CMSS1: variants seen among roughly 807,000 people sequenced by gnomAD.
CMSS1 encodes cms1 ribosomal small subunit homolog.
CMSS1 carries 33 observed loss-of-function variants against 43.5 expected under a neutral mutation model. The observed-to-expected ratio is 0.76, with a 90% CI of 0.57 to 1.01. CMSS1 has a LOEUF of 1.01. CMSS1 is among the 50% of genes least tolerant of loss of function. The pLI is 0.00. For synonymous variants in CMSS1, 115 were observed against 117.2 expected (o/e 0.98, Z 0.12); for missense variants, 313 against 326.4 (o/e 0.96, Z 0.32).
intron 1 of CMSS1, among the ~76,000 whole-genome samples, chr3:100,111,570 A>G (rs145333566): frequency 2.0e-5 from 3 of 152,340 alleles, no homozygotes; most frequent in African/African-American, 2.4e-5. Flanking sequence ...CTCCTCAACC[A>G]AGATGAGAAG....
intron 1 of CMSS1, among the ~76,000 whole-genome samples, chr3:100,079,012 G>T (rs1332741662): frequency 6.6e-6 from 1 of 152,222 alleles, no homozygotes; most frequent in Non-Finnish European, 1.5e-5. Context: ...GACAAGCTTG[G>T]ACTAGGTTCA....
chr3:100,094,153 G>C lies in CMSS1; in HGVS notation c.65-52820G>C, dbSNP rs372577257. Among the ~76,000 whole-genome samples, 13 of 152,136 alleles carry C rather than the reference G, an allele frequency of 8.5e-5. No homozygotes were observed. The South Asian group carries it at 1.2e-3, about 15-fold the overall frequency. On this transcript the variant is annotated intron_variant, in intron 1 of 9. Coordinates refer to ENST00000421999, the MANE Select transcript of CMSS1 (RefSeq NM_032359.4). ...TAGATGTGTAGTGATATTTCATTTT[G>C]ATTTTCATTTGCATTTCCCTAGCAG...
At chr3:99,935,860 T>A (rs1285376443) in intron 1 of CMSS1, among the ~76,000 whole-genome samples, 1 of 152,202 alleles carries the variant, frequency 6.6e-6, no homozygotes, top group Non-Finnish European at 1.5e-5. Flanking sequence ...TAAGGATGTG[T>A]CCATGCAAGA....
chr3:100,029,773 G>A (rs1056794895), intron 1 of CMSS1, among the ~76,000 whole-genome samples: 2 of 152,094 alleles, frequency 1.3e-5, no homozygotes, highest in South Asian at 4.2e-4. Context: ...TACTAAGAGG[G>A]CTTTTGTAGC....
chr3:100,162,195 C>T lies in CMSS1; in HGVS notation c.226-108C>T, dbSNP rs1466703480. ...TATTAAAACCCACATTCACACTTGG[C>T]TAACACCAAAAGCTATGTGCCGTTT... On this transcript the variant is annotated intron_variant, in intron 3 of 9. Coordinates refer to ENST00000421999, the MANE Select transcript of CMSS1 (RefSeq NM_032359.4). 7 of 857,444 alleles carry T rather than the reference C, an allele frequency of 8.2e-6. No homozygotes were observed. The South Asian group carries it at 1.4e-4, about 17-fold the overall frequency. 53.1% of individuals were successfully genotyped at this position (857,444 alleles called of 1,614,324 possible).
intron 8 of CMSS1, 110 bp from the exon 9 acceptor site, chr3:100,176,217 G>C (rs2067147002): frequency 7.4e-6 from 5 of 679,136 alleles, no homozygotes; most frequent in Non-Finnish European, 1.0e-5. Flanking sequence ...TAGTTACTGG[G>C]GGAGAGGACA....
At chr3:100,105,853 A>C (rs1224170219) in intron 1 of CMSS1, among the ~76,000 whole-genome samples, 1 of 152,164 alleles carries the variant, frequency 6.6e-6, no homozygotes, top group African/African-American at 2.4e-5. Flanking sequence ...AGTTTTTTGA[A>C]AGGAGTTGTA....
intron 2 of CMSS1, among the ~76,000 whole-genome samples, chr3:100,148,261 T>A (rs949601511): frequency 1.3e-5 from 2 of 152,078 alleles, no homozygotes; most frequent in Non-Finnish European, 2.9e-5. Context: ...TATCTTTTTG[T>A]AGAGATGAGA....
intron 1 of CMSS1, among the ~76,000 whole-genome samples, chr3:99,986,696 G>A (rs1709351583): frequency 6.6e-6 from 1 of 152,158 alleles, no homozygotes; most frequent in Non-Finnish European, 1.5e-5. Context: ...AGAAGGAGGA[G>A]AATGGTTCTT....
intron 1 of CMSS1, among the ~76,000 whole-genome samples, chr3:99,926,372 G>A (rs2452320): frequency 0.27 from 40,349 of 152,208 alleles, 6,063 homozygotes; most frequent in Admixed American, 0.34. Flanking sequence ...ATTGCCTGCT[G>A]GCAGAGGCAT....
At chr3:99,983,436 A>G (rs9862560) in intron 1 of CMSS1, among the ~76,000 whole-genome samples, 12 of 69,300 alleles carry the variant, frequency 1.7e-4, no homozygotes, top group African/African-American at 5.9e-4. Context: ...ATGTATGTAT[A>G]TATATGTATG....
At chr3:100,156,823 G>A (rs534365736) in intron 2 of CMSS1, among the ~76,000 whole-genome samples, 11 of 151,224 alleles carry the variant, frequency 7.3e-5, no homozygotes, top group Non-Finnish European at 1.5e-4. Flanking sequence ...CACCATGTTA[G>A]CCAGAATGGT....
chr3:99,854,335 G>A (rs1395591248), intron 1 of CMSS1, among the ~76,000 whole-genome samples: 1 of 152,176 alleles, frequency 6.6e-6, no homozygotes, highest in Admixed American at 6.5e-5. Flanking sequence ...AGGTTATCAT[G>A]AACTCTCGGT....
intron 1 of CMSS1, among the ~76,000 whole-genome samples, chr3:100,011,531 C>T (rs1013614738): frequency 1.3e-5 from 2 of 152,106 alleles, no homozygotes; most frequent in African/African-American, 2.4e-5. Context: ...AAACTAAATA[C>T]CTGACAATTT....
intron 1 of CMSS1, among the ~76,000 whole-genome samples, chr3:99,861,154 T>G (rs1264534630): frequency 1.3e-5 from 2 of 152,172 alleles, no homozygotes; most frequent in South Asian, 4.2e-4. Context: ...GTTTCCTCTT[T>G]TCCATACTTT....
intron 1 of CMSS1, chr3:100,109,909 C>CG (rs1302617934): frequency 8.2e-6 from 1 of 121,416 alleles, no homozygotes; most frequent in Non-Finnish European, 1.7e-5. Context: ...TATGACCCCC[C>CG]CCCCCCAGCA....
intron 1 of CMSS1, among the ~76,000 whole-genome samples, chr3:99,989,827 TACTC>T (rs1050450476): frequency 5.3e-5 from 8 of 152,144 alleles, no homozygotes; most frequent in African/African-American, 1.4e-4. Context: ...AATTTTTACT[TACTC>T]AGATCAGTTT....
intron 1 of CMSS1, among the ~76,000 whole-genome samples, chr3:99,941,677 G>A (rs748474489): frequency 2.0e-5 from 3 of 152,190 alleles, no homozygotes; most frequent in Non-Finnish European, 4.4e-5. Flanking sequence ...GAATATCAGT[G>A]CACATATTCT....
intron 1 of CMSS1, among the ~76,000 whole-genome samples, chr3:100,035,388 C>T (rs1576659291): frequency 6.6e-6 from 1 of 152,134 alleles, no homozygotes; most frequent in African/African-American, 2.4e-5. Context: ...ATTCTCCTGC[C>T]TCAGCCTCCG....
Sources: gnomAD v4.1 joint callset for allele counts (sites outside exome capture counted in the v4.1 genomes callset) on GRCh38, gnomAD v4.1.1 for gene constraint, MANE v1.5 for transcripts, NCBI Gene and HGNC (gene_info 2026-07-23, HGNC 2026-07-21) for gene names.